The following CTNNA3 variants were observed in gnomAD, a reference collection of about 807,000 sequenced individuals.
CTNNA3 encodes the protein catenin alpha-3.
Under a neutral mutation model 95.7 loss-of-function variants are expected in CTNNA3, and 76 were observed. That is an observed-to-expected ratio of 0.79 (90% CI 0.66 to 0.96). CTNNA3 has a LOEUF of 0.96. Ranked by LOEUF, CTNNA3 falls within the 40% of genes least tolerant of loss-of-function variation. The probability of loss-of-function intolerance (pLI) is 0.00; values close to 1 mark genes in which losing one functional copy is unlikely to be tolerated. For synonymous variants in CTNNA3, 431 were observed against 374.4 expected (o/e 1.15, Z -1.74); for missense variants, 1,191 against 1,089.8 (o/e 1.09, Z -1.31).
At chr10:67,346,741 A>G (rs1282761396) in intron 5 of CTNNA3, 1 of 505,656 alleles carries the variant, frequency 2.0e-6, no homozygotes, top group Non-Finnish European at 3.9e-6. Flanking sequence ...TCAACTATCT[A>G]ATGTCAGGTC....
intron 5 of CTNNA3, among the ~76,000 whole-genome samples, chr10:67,311,161 T>C (rs2132525564): frequency 6.6e-6 from 1 of 152,298 alleles, no homozygotes; most frequent in African/African-American, 2.4e-5. Flanking sequence ...TGGAAAAAAC[T>C]GAAGCCTTTT....
chr10:66,015,816 C>T (rs2079084811), intron 15 of CTNNA3, among the ~76,000 whole-genome samples: 1 of 152,194 alleles, frequency 6.6e-6, no homozygotes, highest in Non-Finnish European at 1.5e-5. Context: ...ACACACATTG[C>T]TAATTCCTGT....
At chr10:66,940,112 T>C (rs1185721924) in intron 7 of CTNNA3, among the ~76,000 whole-genome samples, 2 of 152,160 alleles carry the variant, frequency 1.3e-5, no homozygotes, top group Non-Finnish European at 2.9e-5. Flanking sequence ...TTGGTCCAAC[T>C]TAGGTAGAGA....
chr10:66,836,406 A>G (rs546867643), intron 7 of CTNNA3, among the ~76,000 whole-genome samples: 6 of 152,242 alleles, frequency 3.9e-5, no homozygotes, highest in Non-Finnish European at 7.4e-5. Context: ...GTGAAGATCC[A>G]TTTCTCACAA....
At chr10:67,424,146 C>T (rs1425624525) in intron 5 of CTNNA3, among the ~76,000 whole-genome samples, 2 of 152,062 alleles carry the variant, frequency 1.3e-5, no homozygotes, top group East Asian at 1.9e-4. Flanking sequence ...TGTAGGTGTG[C>T]GACTGATGAG....
chr10:66,517,472 A>G (rs1056375621), intron 11 of CTNNA3, among the ~76,000 whole-genome samples: 1 of 152,084 alleles, frequency 6.6e-6, no homozygotes, highest in African/African-American at 2.4e-5. Flanking sequence ...CAAGATGGCC[A>G]CAAGAGTGAC....
chr10:67,129,251 A>C (rs1859873172), intron 7 of CTNNA3, among the ~76,000 whole-genome samples: 1 of 152,194 alleles, frequency 6.6e-6, no homozygotes, highest in Admixed American at 6.5e-5. Flanking sequence ...TTAAATAAGA[A>C]ACTAACAAGA....
chr10:66,623,084 C>T (rs1439909182), intron 9 of CTNNA3, among the ~76,000 whole-genome samples: 2 of 152,022 alleles, frequency 1.3e-5, no homozygotes, highest in East Asian at 1.9e-4. Flanking sequence ...ATAATTAGCA[C>T]ATTTGTGAGT....
intron 5 of CTNNA3, among the ~76,000 whole-genome samples, chr10:67,319,137 T>G (rs1841196818): frequency 6.6e-6 from 1 of 152,204 alleles, no homozygotes; most frequent in African/African-American, 2.4e-5. Context: ...GCACTGAGTC[T>G]CCAATAAACT....
At position 66,705,839 on chromosome 10, in the gene CTNNA3, C is replaced by T. The variant is rs145855204; in HGVS notation, c.1281+60425G>A. 1.1e-3 allele frequency among the ~76,000 whole-genome samples: 173 copies of T among 152,158 alleles called. 1 individual carries two copies. Among genetic ancestry groups the T allele is most frequent in the African/African-American group, 3.8e-3 (159 of 41,546 alleles). ...TTATTCATTTCTAGCCCAACTATAT[C>T]TTCCTACCTCTTGTTTGAAACAGAA... is the stretch of plus-strand genomic sequence containing the variant. On this transcript the variant is annotated intron_variant, in intron 9 of 17. Transcript: ENST00000433211.
chr10:67,742,532 G>A (rs1841346555), intron 1 of CTNNA3, among the ~76,000 whole-genome samples: 1 of 151,006 alleles, frequency 6.6e-6, no homozygotes, highest in African/African-American at 2.4e-5. Flanking sequence ...AGCACTAAAT[G>A]CCCACAAGAG....
intron 1 of CTNNA3, among the ~76,000 whole-genome samples, chr10:67,702,239 T>G (rs1841045463): frequency 1.3e-5 from 2 of 152,014 alleles, no homozygotes; most frequent in Non-Finnish European, 2.9e-5. Context: ...TTAACAAGGA[T>G]ACCCAGGAAT....
At chr10:66,967,834 G>A (rs1267817013) in intron 7 of CTNNA3, among the ~76,000 whole-genome samples, 3 of 151,936 alleles carry the variant, frequency 2.0e-5, no homozygotes, top group Non-Finnish European at 2.9e-5. Flanking sequence ...CCCCTCGAAA[G>A]GTTCAATTCT....
intron 6 of CTNNA3, among the ~76,000 whole-genome samples, chr10:67,198,346 A>T (rs1186356535): frequency 1.3e-5 from 2 of 152,162 alleles, no homozygotes; most frequent in African/African-American, 4.8e-5. Context: ...AGCTGTTGCC[A>T]GTCACGAAGG....
intron 3 of CTNNA3, among the ~76,000 whole-genome samples, chr10:67,561,945 G>T (rs1358427446): frequency 6.6e-6 from 1 of 152,150 alleles, no homozygotes; most frequent in African/African-American, 2.4e-5. Context: ...CCACGAAGAA[G>T]TTGAATCTCT....
intron 11 of CTNNA3, among the ~76,000 whole-genome samples, chr10:66,483,797 A>G (rs1839626945): frequency 1.3e-5 from 2 of 152,152 alleles, no homozygotes; most frequent in African/African-American, 4.8e-5. Context: ...ACCCTTAGAA[A>G]TCGTTAAGAC....
At chr10:67,536,904 A>G (rs1298572609) in intron 4 of CTNNA3, among the ~76,000 whole-genome samples, 1 of 152,118 alleles carries the variant, frequency 6.6e-6, no homozygotes, top group East Asian at 1.9e-4. Context: ...CTCAGAAACA[A>G]TTTAGTGATT....
At chr10:66,908,327 T>C (rs1471126766) in intron 7 of CTNNA3, among the ~76,000 whole-genome samples, 1 of 152,216 alleles carries the variant, frequency 6.6e-6, no homozygotes, top group Non-Finnish European at 1.5e-5. Flanking sequence ...CAGTTTCTTG[T>C]AGCATACAGG....
At chr10:67,684,267 A>C (rs1403392709) in intron 1 of CTNNA3, among the ~76,000 whole-genome samples, 1 of 152,034 alleles carries the variant, frequency 6.6e-6, no homozygotes. Flanking sequence ...TGATTGGTGC[A>C]TTTACAAACC....
Sources: allele counts gnomAD v4.1 joint callset (sites outside exome capture counted in the v4.1 genomes callset), GRCh38; gene constraint gnomAD v4.1.1; transcripts MANE v1.5; gene names NCBI Gene and HGNC (gene_info 2026-07-23, HGNC 2026-07-21).